EPN1: variants seen among roughly 807,000 people sequenced by gnomAD.
EPN1 encodes the protein epsin-1.
EPN1 carries 25 observed loss-of-function variants against 56.9 expected under a neutral mutation model. That is an observed-to-expected ratio of 0.44 (90% CI 0.32 to 0.61). The LOEUF is 0.61. Among genes scored for constraint, EPN1 ranks in the 20% least tolerant of loss-of-function variants. EPN1 has a pLI of 0.05. For synonymous variants in EPN1, 411 were observed against 361.8 expected (o/e 1.14, Z -1.54); for missense variants, 785 against 823.7 (o/e 0.95, Z 0.58).
rs112737515 is a variant in EPN1, at chr19:55,692,200, CG to C, written c.1066+148del. The stretch of plus-strand genomic sequence containing the variant: ...CTGGGTGCAGGGGAGGGGGCAAGGG[CG>C]GGGGTCAGATGAGAGCCCAGCACAG... On this transcript the variant is annotated intron_variant, in intron 7 of 10. Transcript: ENST00000270460. The C allele has an allele frequency of 1.3e-5, 9 of 698,872 alleles. No individual in the cohort carries two copies. In the East Asian group the frequency reaches 2.6e-4, roughly 20 times the overall value. The allele number at this position is 698,872 out of a possible 1,614,324, so 43.3% of individuals were successfully genotyped here.
In EPN1 at chr19:55,695,516, C is replaced by T. The variant is rs929413900; in HGVS notation, c.*160C>T. 5 of 592,100 alleles carry T rather than the reference C, an allele frequency of 8.4e-6. No homozygotes were observed. Among genetic ancestry groups the T allele is most frequent in the Non-Finnish European group, 1.5e-5 (5 of 333,764 alleles). 36.7% of individuals were successfully genotyped at this position (592,100 alleles called of 1,614,324 possible). On this transcript the variant is annotated 3_prime_UTR_variant, in exon 11 of 11. Coordinates refer to ENST00000270460, the MANE Select transcript of EPN1 (RefSeq NM_001130072.2). This position sits in a 1 kb window ranked among gnomAD's most constrained non-coding sequence, Gnocchi z 4.4. The stretch of plus-strand genomic sequence containing the variant: ...ACACCCTCTTCCTTTCCCACCCCAC[C>T]TCCCCGGAGAGAAACTGGACATGGG...
chr19:55,685,148 G>T (rs1221077401), intron 2 of EPN1, among the ~76,000 whole-genome samples: 2 of 152,258 alleles, frequency 1.3e-5, no homozygotes, highest in East Asian at 3.8e-4. Flanking sequence ...GCTGTGTGGC[G>T]TTCTGTGCTG....
In EPN1 at chr19:55,695,407, C is replaced by G; in HGVS notation, c.*51C>G. The G allele has an allele frequency of 9.8e-7, 1 of 1,020,874 alleles. No homozygotes were observed. The highest frequency in any genetic ancestry group is 1.5e-5 in the South Asian group (1 of 66,286). The allele number at this position is 1,020,874 out of a possible 1,614,324, so 63.2% of individuals were successfully genotyped here. On this transcript the variant is annotated 3_prime_UTR_variant, in exon 11 of 11. Transcript: ENST00000270460. The surrounding 1 kb of genome is among the most constrained non-coding windows in gnomAD (Gnocchi z 4.4). The stretch of plus-strand genomic sequence containing the variant: ...CATCCGGCTGCCCCATTCCGGCTCC[C>G]TGGGAGATCAGTGTTGTGAGTGCAT...
At position 55,701,418 on chromosome 19, in the gene EPN1, C is replaced by T. The variant is rs1331402915; in HGVS notation, c.*6062C>T. ...GAGCCGAGATTGCACTACTGCACTC[C>T]AGCCTGGGTGACAGAGTGAGACCCT... On this transcript the variant is annotated 3_prime_UTR_variant, in exon 11 of 11. Transcript: ENST00000270460. The T allele has an allele frequency of 6.7e-6, 1 of 149,224 alleles. No homozygotes were observed. The highest frequency in any genetic ancestry group is 1.5e-5 in the Non-Finnish European group (1 of 67,670). 9.2% of individuals were successfully genotyped at this position (149,224 alleles called of 1,614,324 possible). A position where few individuals can be genotyped will look rare whatever the true frequency, so the allele number is the denominator to read the frequency against.
rs1038920327 is a variant in EPN1, at chr19:55,707,393, T to C, written c.*12037T>C. The C allele has an allele frequency of 6.6e-6, 1 of 152,240 alleles. No individual in the cohort carries two copies. Among genetic ancestry groups the C allele is most frequent in the African/African-American group, 2.4e-5 (1 of 41,402 alleles). The allele number at this position is 152,240 out of a possible 1,614,324, so 9.4% of individuals were successfully genotyped here. Reference sequence around the variant, plus strand: ...ATGAAAATAAATACCCAAAAACCAGTCAAATGTGAAACTGGTGTCAGGGGT... The same window carrying C: ...ATGAAAATAAATACCCAAAAACCAGCCAAATGTGAAACTGGTGTCAGGGGT... On this transcript the variant is annotated 3_prime_UTR_variant, in exon 11 of 11. Coordinates refer to ENST00000270460, the MANE Select transcript of EPN1 (RefSeq NM_001130072.2).
chr19:55,687,984 C>T (rs569435367), intron 3 of EPN1, among the ~76,000 whole-genome samples: 2 of 152,166 alleles, frequency 1.3e-5, no homozygotes, highest in Non-Finnish European at 2.9e-5. Context: ...GGTGGGGACA[C>T]AAGTACAGGA....
rs944327289 is a variant in EPN1 at position 55,692,994 on chromosome 19, T to G, written c.1221T>G (p.Phe407Leu). The change falls in exon 9 of 11, where the codon TTT (phenylalanine) becomes TTG (leucine). Residue 407 changes from phenylalanine to leucine, a missense_variant. Transcript: ENST00000270460. Reference sequence around the variant, plus strand: ...CGGAGCCCGACGAGTTCTCTGACTTTGACCGACTCCGCACGGCACTGCCGA... The same window carrying G: ...CGGAGCCCGACGAGTTCTCTGACTTGGACCGACTCCGCACGGCACTGCCGA... The part of the protein sequence containing the change: ...FDTEPDEFSD[F>L]DRLRTALPTS... The G allele has an allele frequency of 3.1e-6, 5 of 1,613,322 alleles. No homozygotes were observed. The African/African-American group carries it at 6.7e-5, about 22-fold the overall frequency.
chr19:55,683,633 G>A (rs1477719539), intron 2 of EPN1, among the ~76,000 whole-genome samples: 1 of 152,238 alleles, frequency 6.6e-6, no homozygotes, highest in African/African-American at 2.4e-5. Flanking sequence ...GATTATAGGC[G>A]TGAGCCACCA....
chr19:55,698,113 A>G lies in EPN1; in HGVS notation c.*2757A>G, dbSNP rs985814260. 1 of 136,128 alleles carries G rather than the reference A, an allele frequency of 7.3e-6. No homozygotes were observed. The highest frequency in any genetic ancestry group is 1.5e-5 in the Non-Finnish European group (1 of 64,642). 8.4% of individuals were successfully genotyped at this position (136,128 alleles called of 1,614,324 possible). ...GGGATGGTGGAGGCTGAAGAAGCCT[A>G]TCAGATGTGAGGGTGGCGGGGGTTG... On this transcript the variant is annotated 3_prime_UTR_variant, in exon 11 of 11. Transcript: ENST00000270460.
rs1389628495 is a variant in EPN1 at position 55,696,563 on chromosome 19, T to G, written c.*1207T>G. 1 of 152,396 alleles carries G rather than the reference T, an allele frequency of 6.6e-6. No individual in the cohort carries two copies. The highest frequency in any genetic ancestry group is 1.5e-5 in the Non-Finnish European group (1 of 68,228). 9.4% of individuals were successfully genotyped at this position (152,396 alleles called of 1,614,324 possible). ...CAGAGGTGCTGGGGTGAAGGCTGTG[T>G]GGGGCCAGGCCCCTGGGGTCAGACT... On this transcript the variant is annotated 3_prime_UTR_variant, in exon 11 of 11. Coordinates refer to ENST00000270460, the MANE Select transcript of EPN1 (RefSeq NM_001130072.2).
rs756004190 is a variant in EPN1, at chr19:55,689,917, G to A, written c.729G>A (p.Glu243=). 68 of 1,605,862 alleles carry A rather than the reference G, an allele frequency of 4.2e-5. No individual in the cohort carries two copies. Among genetic ancestry groups the A allele is most frequent in the Non-Finnish European group, 6.8e-6 (8 of 1,176,656 alleles). ...GDDLRLQMAI[E]ESKRETGGKE... ...ACCTGCGGCTGCAGATGGCAATCGAGGAGAGCAAGAGGGAGACTGGGGGCA... is the reference window on the plus strand; with the variant it reads ...ACCTGCGGCTGCAGATGGCAATCGAAGAGAGCAAGAGGGAGACTGGGGGCA... The change falls in exon 6 of 11, where the codon GAG becomes GAA. Residue 243 remains glutamate (E), a synonymous_variant. Coordinates refer to ENST00000270460, the MANE Select transcript of EPN1 (RefSeq NM_001130072.2). The surrounding 1 kb of genome is among the most constrained non-coding windows in gnomAD (Gnocchi z 5.7).
At chr19:55,686,263 G>T (rs1986161087) in intron 3 of EPN1, among the ~76,000 whole-genome samples, 1 of 152,194 alleles carries the variant, frequency 6.6e-6, no homozygotes, top group South Asian at 2.1e-4. Context: ...TGGGTGTGTG[G>T]GTCTCGGACT....
At chr19:55,682,678 C>T (rs1025245487) in intron 2 of EPN1, among the ~76,000 whole-genome samples, 3 of 152,174 alleles carry the variant, frequency 2.0e-5, no homozygotes, top group African/African-American at 4.8e-5. Context: ...AGCGATCCAC[C>T]GACTTTAGCC....
Position 55,694,934 on chromosome 19 carries a change from G to A in EPN1, c.1473G>A (p.Pro491=), listed in dbSNP as rs761518754. ...ACCTGGACTCGCTGGTGAGCCGGCC[G>A]GGCCCCACGCCGCCTGGAGCCAAGG... ...LVDLDSLVSR[P]GPTPPGAKAS... Residue 491 remains proline (P), a synonymous_variant, in exon 10 of 11, where the codon CCG becomes CCA. Transcript: ENST00000270460. This position sits in a 1 kb window ranked among gnomAD's most constrained non-coding sequence, Gnocchi z 4.2. The A allele has an allele frequency of 2.0e-5, 32 of 1,564,436 alleles. No individual in the cohort carries two copies. Among genetic ancestry groups the A allele is most frequent in the Non-Finnish European group, 2.5e-5 (29 of 1,155,306 alleles).
intron 3 of EPN1, 135 bp from the exon 4 acceptor site, chr19:55,688,735 T>C: frequency 2.3e-6 from 3 of 1,303,752 alleles, no homozygotes; most frequent in Non-Finnish European, 3.1e-6. Flanking sequence ...GTCCTAGTCT[T>C]GGCCTGCAGA....
chr19:55,695,209 C>A lies in EPN1; in HGVS notation c.1584C>A (p.Leu528=), dbSNP rs374439458. 2.7e-5 allele frequency: 43 copies of A among 1,613,414 alleles called. 1 individual carries two copies. The highest frequency in any genetic ancestry group is 3.4e-5 in the Non-Finnish European group (40 of 1,179,834). Residue 528 remains leucine (L), a synonymous_variant, in exon 11 of 11, where the codon CTC becomes CTA. Transcript: ENST00000270460. This position sits in a 1 kb window ranked among gnomAD's most constrained non-coding sequence, Gnocchi z 4.4. ...NPFQPAPPAT[L]TLNQLRLSPV... ...TCCAGCCCGCGCCTCCCGCGACGCT[C>A]ACCCTGAACCAGCTCCGTCTCAGTC...
At chr19:55,679,219 G>A (rs955775483) in intron 2 of EPN1, among the ~76,000 whole-genome samples, 9 of 152,240 alleles carry the variant, frequency 5.9e-5, no homozygotes, top group Non-Finnish European at 8.8e-5. Context: ...TGTGCTCCCC[G>A]TGGCACAGGC....
At chr19:55,685,362 C>T (rs770076195) in intron 2 of EPN1, 34 bp from the exon 3 acceptor site, 51 of 1,595,592 alleles carry the variant, frequency 3.2e-5, no homozygotes, top group Non-Finnish European at 3.1e-5. Flanking sequence ...TTGTGCCCGG[C>T]GTGCTGACCG....
chr19:55,678,089 G>C (rs889041432), intron 1 of EPN1, among the ~76,000 whole-genome samples: 19 of 152,206 alleles, frequency 1.2e-4, no homozygotes, highest in African/African-American at 4.6e-4. Flanking sequence ...AGTGTAAGCA[G>C]AGCCCTTGGG....
Sources: gnomAD v4.1 joint callset for allele counts (sites outside exome capture counted in the v4.1 genomes callset) on GRCh38, gnomAD v4.1.1 for gene constraint, Gnocchi (gnomAD v3.1) non-coding constraint, MANE v1.5 for transcripts, NCBI Gene and HGNC (gene_info 2026-07-23, HGNC 2026-07-21) for gene names.